The following PDIA6 variants were observed in gnomAD, a reference collection of about 807,000 sequenced individuals.
The protein encoded by PDIA6 is protein disulfide isomerase family A member 6, also known as protein disulfide-isomerase A6.
Under a neutral mutation model 58.4 loss-of-function variants are expected in PDIA6, and 29 were observed. That is an observed-to-expected ratio of 0.50 (90% confidence interval 0.37 to 0.68). The LOEUF is 0.68. PDIA6 is among the 30% of genes least tolerant of loss of function. PDIA6 has a pLI of 0.00. For missense variants in PDIA6, 480 were observed against 551.0 expected, an observed-to-expected ratio of 0.87 and a Z score of 1.29; for synonymous variants, 192 against 202.6, an observed-to-expected ratio of 0.95 and a Z score of 0.44.
chr2:10,826,743 G>C, intron 1 of PDIA6, among the ~76,000 whole-genome samples: 1 of 152,176 alleles, frequency 6.6e-6, no homozygotes, highest in South Asian at 2.1e-4. Context: ...ACCTTTCCCA[G>C]TGGCTTCTTA....
intron 1 of PDIA6, among the ~76,000 whole-genome samples, chr2:10,806,347 G>A (rs1348048686): frequency 7.0e-6 from 1 of 142,652 alleles, no homozygotes; most frequent in Non-Finnish European, 1.5e-5. Context: ...ACTCCAGCCT[G>A]ATAGGGCAAG....
intron 1 of PDIA6, among the ~76,000 whole-genome samples, chr2:10,805,059 T>TG (rs1330314973): frequency 1.3e-4 from 19 of 151,426 alleles, no homozygotes; most frequent in African/African-American, 4.1e-4. Context: ...AATTGACAAA[T>TG]GGATCTAATT....
At chr2:10,826,613 G>A (rs1197798230) in intron 1 of PDIA6, among the ~76,000 whole-genome samples, 3 of 152,200 alleles carry the variant, frequency 2.0e-5, no homozygotes, top group Non-Finnish European at 4.4e-5. Context: ...GCTTGCCTCA[G>A]CCTCCCAAAG....
chr2:10,812,631 C>G (rs780631458), intron 1 of PDIA6, 47 bp downstream of exon 1: 28 of 1,498,108 alleles, frequency 1.9e-5, no homozygotes, highest in Middle Eastern at 3.6e-4. Flanking sequence ...CGAAACCTTT[C>G]AGGCCGACCC....
upstream of PDIA6, among the ~76,000 whole-genome samples, chr2:10,814,076 T>C (rs893858195): frequency 2.6e-5 from 4 of 152,344 alleles, no homozygotes; most frequent in African/African-American, 9.6e-5. Flanking sequence ...CTTTCCGCCT[T>C]GATTCTCCCT....
In PDIA6 at chr2:10,819,936, C is replaced by G. The variant is rs148812827; in HGVS notation, c.-47-582G>C. 1.2e-3 allele frequency among the ~76,000 whole-genome samples: 189 copies of G among 152,266 alleles called. No homozygotes were observed. The East Asian group carries it at 0.031, about 25-fold the overall frequency. ...CGCCTCTGCTGGTCTGCAGGTTTGTCCTGCTGGTCTCTATTAGATGGGGCC... is the reference window on the plus strand; with the variant it reads ...CGCCTCTGCTGGTCTGCAGGTTTGTGCTGCTGGTCTCTATTAGATGGGGCC... On this transcript the variant is annotated intron_variant, in intron 1 of 13. Transcript: ENST00000381611.
intron 1 of PDIA6, among the ~76,000 whole-genome samples, chr2:10,819,724 G>C (rs1295776854): frequency 6.6e-6 from 1 of 152,146 alleles, no homozygotes; most frequent in African/African-American, 2.4e-5. Context: ...CGTAGCCCAG[G>C]TCTGACCGTA....
At chr2:10,831,684 C>T (rs983787242) in intron 1 of PDIA6, among the ~76,000 whole-genome samples, 4 of 152,182 alleles carry the variant, frequency 2.6e-5, no homozygotes, top group Non-Finnish European at 5.9e-5. Flanking sequence ...TCACTGAACA[C>T]GAGTTAATTG....
chr2:10,816,439 C>T (rs1417859611), upstream of PDIA6, among the ~76,000 whole-genome samples: 2 of 149,866 alleles, frequency 1.3e-5, no homozygotes, highest in African/African-American at 4.9e-5. Context: ...TTTACAGGCT[C>T]CAGCCTAGAG....
intron 1 of PDIA6, among the ~76,000 whole-genome samples, chr2:10,804,597 A>T (rs1358422451): frequency 7.4e-6 from 1 of 134,396 alleles, no homozygotes; most frequent in African/African-American, 2.6e-5. Context: ...GTTTGAAGTC[A>T]GGTAGTGTGA....
chr2:10,834,390 C>T (rs754276370), upstream of PDIA6, among the ~76,000 whole-genome samples: 10 of 152,174 alleles, frequency 6.6e-5, no homozygotes, highest in Admixed American at 4.6e-4. Context: ...TGTGAGGCTT[C>T]CCTCCCTCCC....
upstream of PDIA6, among the ~76,000 whole-genome samples, chr2:10,814,050 G>T (rs780582898): frequency 6.6e-5 from 10 of 152,184 alleles, no homozygotes; most frequent in Non-Finnish European, 1.2e-4. Flanking sequence ...TCAAGCACAA[G>T]TTAAGACCAC....
chr2:10,812,760 A>T lies in PDIA6; in HGVS notation c.-64T>A, dbSNP rs1667064075. 2 of 1,361,840 alleles carry T rather than the reference A, an allele frequency of 1.5e-6. No homozygotes were observed. Among genetic ancestry groups the T allele is most frequent in the Admixed American group, 6.8e-5 (2 of 29,338 alleles). The allele number at this position is 1,361,840 out of a possible 1,614,324, so 84.4% of individuals were successfully genotyped here. A position where few individuals can be genotyped will look rare whatever the true frequency, so the allele number is the denominator to read the frequency against. On this transcript the variant is annotated 5_prime_UTR_variant, in exon 1 of 13. Coordinates refer to ENST00000272227, the MANE Select transcript of PDIA6 (RefSeq NM_005742.4). Reference sequence around the variant, plus strand: ...CCGCTTCAGCCCTGCAGCGTGCCGCACGCCGCGCCCCCGCGCCCACGTCCC... The same window carrying T: ...CCGCTTCAGCCCTGCAGCGTGCCGCTCGCCGCGCCCCCGCGCCCACGTCCC...
intron 8 of PDIA6, among the ~76,000 whole-genome samples, chr2:10,789,407 G>GAAAACAAAAC (rs57608395): frequency 2.8e-4 from 42 of 151,500 alleles, no homozygotes; most frequent in Admixed American, 9.9e-4. Context: ...AGAATTAAAT[G>GAAAACAAAAC]AAAACAAAAC....
chr2:10,835,331 A>G (rs1157358891), upstream of PDIA6, among the ~76,000 whole-genome samples: 1 of 152,134 alleles, frequency 6.6e-6, no homozygotes, highest in Non-Finnish European at 1.5e-5. Context: ...TACCCCCGGC[A>G]GTCGGGCTCC....
Position 10,788,942 on chromosome 2 carries a change from G to A in PDIA6, c.880C>T (p.His294Tyr), listed in dbSNP as rs750104571. 2 of 1,614,138 alleles carry A rather than the reference G, an allele frequency of 1.2e-6. No homozygotes were observed. Among genetic ancestry groups the A allele is most frequent in the Non-Finnish European group, 1.7e-6 (2 of 1,179,960 alleles). Residue 294 changes from histidine to tyrosine, a missense_variant, in exon 9 of 13, where the codon CAC becomes TAC. His to Tyr is a moderately conservative substitution (Grantham distance 83). Transcript: ENST00000272227. The stretch of plus-strand genomic sequence containing the variant: ...AGCACAGCCACAACACAGAGCTGGT[G>A]CTCCTCACACGTCCTCTTGGCAATG... ...EDIAKRTCEE[H>Y]QLCVVAVLPH...
chr2:10,819,207 G>T, intron 2 of PDIA6: 1 of 936,584 alleles, frequency 1.1e-6, no homozygotes, highest in Non-Finnish European at 1.7e-6. Flanking sequence ...GGACACTTGG[G>T]TTGTTTTCAC....
chr2:10,830,666 A>C (rs1012956830), intron 1 of PDIA6, among the ~76,000 whole-genome samples: 2 of 152,260 alleles, frequency 1.3e-5, no homozygotes, highest in African/African-American at 4.8e-5. Flanking sequence ...TCTTCAGTTA[A>C]AGTGAGAAAT....
intron 2 of PDIA6, among the ~76,000 whole-genome samples, chr2:10,819,099 T>C (rs1667307456): frequency 6.6e-6 from 1 of 151,376 alleles, no homozygotes; most frequent in South Asian, 2.1e-4. Flanking sequence ...CAAGGTCCAT[T>C]CATGCTGTGG....
Sources: gnomAD v4.1 joint callset for allele counts (sites outside exome capture counted in the v4.1 genomes callset) on GRCh38, gnomAD v4.1.1 for gene constraint, MANE v1.5 for transcripts, NCBI Gene and HGNC (gene_info 2026-07-23, HGNC 2026-07-21) for gene names.